SLC8A1: variants seen among roughly 807,000 people sequenced by gnomAD.
SLC8A1 encodes the protein solute carrier family 8 member A1, also known as sodium/calcium exchanger 1.
A neutral mutation model predicts 68.3 loss-of-function variants in SLC8A1; 18 were observed. The observed-to-expected ratio is 0.26, with a 90% CI of 0.18 to 0.39. The LOEUF (loss-of-function observed/expected upper bound fraction) is 0.39. Ranked by LOEUF, SLC8A1 falls within the 10% of genes least tolerant of loss-of-function variation. The pLI is 1.00. For missense variants in SLC8A1, 985 were observed against 1,156.7 expected (o/e 0.85, Z 2.15); for synonymous variants, 475 against 415.5 (o/e 1.14, Z -1.74).
intron 1 of SLC8A1, among the ~76,000 whole-genome samples, chr2:40,478,715 G>T (rs775640114): frequency 2.6e-5 from 4 of 151,014 alleles, no homozygotes; most frequent in Non-Finnish European, 2.9e-5. Flanking sequence ...ACTTTCTGAA[G>T]GAAATTTATA....
intron 2 of SLC8A1, among the ~76,000 whole-genome samples, chr2:40,289,455 C>A (rs1221443694): frequency 6.6e-6 from 1 of 152,032 alleles, no homozygotes; most frequent in Non-Finnish European, 1.5e-5. Flanking sequence ...TCCCTAAATG[C>A]CTTATTTTGT....
intron 1 of SLC8A1, among the ~76,000 whole-genome samples, chr2:40,475,152 G>C (rs1479300058): frequency 2.6e-5 from 4 of 151,692 alleles, no homozygotes; most frequent in Admixed American, 2.6e-4. Flanking sequence ...TTTATTTTTT[G>C]AGACGGAGTC....
At chr2:40,381,910 G>T (rs750491382) in intron 2 of SLC8A1, among the ~76,000 whole-genome samples, 1 of 151,768 alleles carries the variant, frequency 6.6e-6, no homozygotes, top group Non-Finnish European at 1.5e-5. Flanking sequence ...TTCTCCTCAT[G>T]TACTTACATT....
intron 2 of SLC8A1, among the ~76,000 whole-genome samples, chr2:40,409,194 A>G (rs567455162): frequency 1.3e-5 from 2 of 152,306 alleles, no homozygotes; most frequent in Non-Finnish European, 2.9e-5. Context: ...AGCTTCTGGT[A>G]TTCATGTAAA....
At chr2:40,406,451 G>A (rs938772401) in intron 2 of SLC8A1, among the ~76,000 whole-genome samples, 4 of 152,170 alleles carry the variant, frequency 2.6e-5, no homozygotes, top group Admixed American at 6.5e-5. Flanking sequence ...ATAAATAAAC[G>A]TCAGAAAATT....
At chr2:40,500,235 T>A (rs1290067065) in intron 1 of SLC8A1, among the ~76,000 whole-genome samples, 1 of 152,100 alleles carries the variant, frequency 6.6e-6, no homozygotes, top group Non-Finnish European at 1.5e-5. Context: ...CTGGGTCAGA[T>A]CTTTGAATCA....
chr2:40,359,053 G>C (rs1673692721), intron 2 of SLC8A1, among the ~76,000 whole-genome samples: 1 of 152,154 alleles, frequency 6.6e-6, no homozygotes, highest in Non-Finnish European at 1.5e-5. Flanking sequence ...GGAATGGAAA[G>C]AAGGTCAACA....
chr2:40,403,370 C>A (rs556662851), intron 2 of SLC8A1, among the ~76,000 whole-genome samples: 1 of 152,292 alleles, frequency 6.6e-6, no homozygotes, highest in South Asian at 2.1e-4. Context: ...ATCCAGGGAG[C>A]TTTCTCAATG....
At chr2:40,357,307 C>T (rs1379640680) in intron 2 of SLC8A1, among the ~76,000 whole-genome samples, 1 of 151,668 alleles carries the variant, frequency 6.6e-6, no homozygotes, top group Non-Finnish European at 1.5e-5. Context: ...GACTGGGCAA[C>T]ATAGTGAGAC....
chr2:40,098,779 C>G (rs1290479390), exon 8 of SLC8A1: 1 of 151,904 alleles, frequency 6.6e-6, no homozygotes, highest in Admixed American at 6.6e-5. Context: ...TTTCCTTGGT[C>G]CTTAGAAATA....
Position 40,442,892 on chromosome 2 carries a change from G to T in SLC8A1, c.-25+9012C>A, listed in dbSNP as rs541692080. On this transcript the variant is annotated intron_variant, in intron 1 of 7. Transcript: ENST00000406785. ...ACGAGAGGCTGGATAAAGAAAATTT[G>T]GTACATAGACACCATGGAATACTAT... 6.6e-5 allele frequency among the ~76,000 whole-genome samples: 10 copies of T among 152,222 alleles called. No individual in the cohort carries two copies. The South Asian group carries it at 2.1e-3, about 32-fold the overall frequency.
chr2:40,340,557 T>C (rs939718020), intron 2 of SLC8A1, among the ~76,000 whole-genome samples: 1 of 152,102 alleles, frequency 6.6e-6, no homozygotes, highest in African/African-American at 2.4e-5. Flanking sequence ...TGAGACTCCT[T>C]CTTAAAAAGA....
intron 2 of SLC8A1, among the ~76,000 whole-genome samples, chr2:40,208,833 T>C (rs1002380172): frequency 6.6e-6 from 1 of 152,148 alleles, no homozygotes; most frequent in Non-Finnish European, 1.5e-5. Flanking sequence ...TAATGCACTT[T>C]AAAGAATTCA....
exon 8 of SLC8A1, chr2:40,108,241 A>G (rs1572678281): frequency 6.6e-6 from 1 of 152,162 alleles, no homozygotes; most frequent in East Asian, 1.9e-4. Context: ...GTACAGGTCC[A>G]ATGTATTCTA....
In SLC8A1 at chr2:40,229,267, A is replaced by G. The variant is rs75110675; in HGVS notation, c.1809-51412T>C. Among the ~76,000 whole-genome samples, 445 of 152,226 alleles carry G rather than the reference A, an allele frequency of 2.9e-3. 1 individual carries two copies. The highest frequency in any genetic ancestry group is 7.3e-3 in the South Asian group (35 of 4,822). Reference sequence around the variant, plus strand: ...GCTCATGACCCTACTAAGTTGCAAGAATACTATTTTCACAATTGTAATGAT... The same window carrying G: ...GCTCATGACCCTACTAAGTTGCAAGGATACTATTTTCACAATTGTAATGAT... On this transcript the variant is annotated intron_variant, in intron 2 of 7. Transcript: ENST00000406785.
At chr2:40,259,575 G>A (rs1266722093) in intron 2 of SLC8A1, among the ~76,000 whole-genome samples, 1 of 152,066 alleles carries the variant, frequency 6.6e-6, no homozygotes, top group East Asian at 1.9e-4. Context: ...GAGCTCTTGG[G>A]CTCGAATAAT....
intron 1 of SLC8A1, among the ~76,000 whole-genome samples, chr2:40,467,818 T>C (rs1240247354): frequency 2.0e-5 from 3 of 152,202 alleles, no homozygotes; most frequent in Non-Finnish European, 4.4e-5. Flanking sequence ...TTAAATTTTA[T>C]GGTTACCACC....
chr2:40,476,006 T>C (rs984050648), intron 1 of SLC8A1, among the ~76,000 whole-genome samples: 1 of 152,334 alleles, frequency 6.6e-6, no homozygotes, highest in African/African-American at 2.4e-5. Flanking sequence ...CTCATTTTTT[T>C]CTTTGAGAGG....
intron 7 of SLC8A1, among the ~76,000 whole-genome samples, chr2:40,135,778 G>T (rs2040394477): frequency 6.6e-6 from 1 of 152,046 alleles, no homozygotes; most frequent in Admixed American, 6.6e-5. Flanking sequence ...ATGGGGAGGA[G>T]AAAAAGGAAT....
Sources: allele counts gnomAD v4.1 joint callset (sites outside exome capture counted in the v4.1 genomes callset), GRCh38; gene constraint gnomAD v4.1.1; transcripts MANE v1.5; gene names NCBI Gene and HGNC (gene_info 2026-07-23, HGNC 2026-07-21).